Variants in SETBP1 observed in about 807,000 individuals in gnomAD.
SETBP1 encodes the protein SET-binding protein.
SETBP1 carries 9 observed loss-of-function variants against 101.0 expected under a neutral mutation model. The observed-to-expected ratio is 0.09, with a 90% CI of 0.05 to 0.16. The LOEUF is 0.16. Among genes scored for constraint, SETBP1 ranks in the 10% least tolerant of loss-of-function variants. The pLI is 1.00. For missense variants in SETBP1, 1,858 were observed against 2,033.8 expected (o/e 0.91, Z 1.66); for synonymous variants, 818 against 788.5 (o/e 1.04, Z -0.63).
chr18:44,958,424 C>T (rs958580877), intron 4 of SETBP1, among the ~76,000 whole-genome samples: 1 of 152,102 alleles, frequency 6.6e-6, no homozygotes, highest in African/African-American at 2.4e-5. Flanking sequence ...CTATCTGAGA[C>T]ACAAATAGGT....
chr18:44,943,984 G>A (rs1037391316), intron 3 of SETBP1, among the ~76,000 whole-genome samples: 10 of 151,912 alleles, frequency 6.6e-5, no homozygotes, highest in African/African-American at 2.4e-4. Flanking sequence ...ACAGGTGCAC[G>A]CCATGATACC....
intron 5 of SETBP1, among the ~76,000 whole-genome samples, chr18:45,059,790 C>T (rs975757600): frequency 3.3e-5 from 5 of 152,304 alleles, no homozygotes; most frequent in Admixed American, 6.5e-5. Context: ...AGAACATTTT[C>T]GCCATCTTAG....
intron 2 of SETBP1, among the ~76,000 whole-genome samples, chr18:44,708,690 C>A (rs993119597): frequency 6.6e-6 from 1 of 151,992 alleles, no homozygotes; most frequent in South Asian, 2.1e-4. Flanking sequence ...CAATCACATT[C>A]GGCCAGCATA....
At chr18:44,792,522 T>C (rs2277710) in intron 2 of SETBP1, among the ~76,000 whole-genome samples, 20,653 of 152,122 alleles carry the variant, frequency 0.14, 2,031 homozygotes, top group African/African-American at 0.28. Context: ...CAGCATAGGG[T>C]AGTTGCCAGA....
At chr18:44,712,953 C>CTTTTTTT (rs11323504) in intron 2 of SETBP1, among the ~76,000 whole-genome samples, 1 of 64,898 alleles carries the variant, frequency 1.5e-5, no homozygotes, top group Non-Finnish European at 2.8e-5. Flanking sequence ...CAGCATCCCT[C>CTTTTTTT]TTTTTTTTTT....
At chr18:44,739,700 A>C (rs745654225) in intron 2 of SETBP1, among the ~76,000 whole-genome samples, 1 of 152,222 alleles carries the variant, frequency 6.6e-6, no homozygotes, top group Non-Finnish European at 1.5e-5. Context: ...TATCAAATGA[A>C]TGACAGATAC....
chr18:44,860,589 A>T (rs1276249), intron 2 of SETBP1, among the ~76,000 whole-genome samples: 53,475 of 151,858 alleles, frequency 0.35, 9,536 homozygotes, highest in South Asian at 0.44. Context: ...CTCTACTAAA[A>T]ATGTAAAATT....
intron 2 of SETBP1, among the ~76,000 whole-genome samples, chr18:44,770,818 A>G (rs1357116500): frequency 2.6e-5 from 2 of 78,376 alleles, no homozygotes. Context: ...GAGCAAGAAA[A>G]GTTGGATTCC....
At chr18:44,696,812 T>TGCCTGTG (rs1278729866) in intron 1 of SETBP1, among the ~76,000 whole-genome samples, 1 of 152,258 alleles carries the variant, frequency 6.6e-6, no homozygotes, top group Non-Finnish European at 1.5e-5. Flanking sequence ...AGCATCTGAC[T>TGCCTGTG]GCCTGTGAAC....
chr18:45,035,967 CTG>C (rs936066976), intron 4 of SETBP1, among the ~76,000 whole-genome samples: 20 of 152,188 alleles, frequency 1.3e-4, no homozygotes, highest in African/African-American at 3.9e-4. Flanking sequence ...ATTTTCCAAA[CTG>C]TGTTTGTTTT....
At chr18:44,986,216 G>C (rs1239278366) in intron 4 of SETBP1, 3 of 152,164 alleles carry the variant, frequency 2.0e-5, no homozygotes, top group African/African-American at 7.2e-5. Flanking sequence ...GTAGATAACT[G>C]TAACACAATG....
rs537274345 is a variant in SETBP1 at position 45,063,946 on chromosome 18, T to A, written c.*248T>A. ...CAGCTCCCACCACGCGGCGCTTCAGTACGGCTGGATCCTCCGCAGGCGAGC... is the reference window on the plus strand; with the variant it reads ...CAGCTCCCACCACGCGGCGCTTCAGAACGGCTGGATCCTCCGCAGGCGAGC... On this transcript the variant is annotated 3_prime_UTR_variant, in exon 6 of 6. Coordinates refer to ENST00000649279, the MANE Select transcript of SETBP1 (RefSeq NM_015559.3). 6 of 434,496 alleles carry A rather than the reference T, an allele frequency of 1.4e-5. No homozygotes were observed. Among genetic ancestry groups the A allele is most frequent in the Non-Finnish European group, 2.5e-5 (6 of 237,064 alleles). The allele number at this position is 434,496 out of a possible 1,614,324, so 26.9% of individuals were successfully genotyped here.
chr18:44,775,699 A>G (rs1471815982), intron 2 of SETBP1, among the ~76,000 whole-genome samples: 3 of 149,276 alleles, frequency 2.0e-5, no homozygotes, highest in Non-Finnish European at 4.4e-5. Flanking sequence ...CCAAGTGTAG[A>G]GAGCACCATT....
chr18:44,967,814 A>T (rs1414968679), intron 4 of SETBP1, among the ~76,000 whole-genome samples: 1 of 152,150 alleles, frequency 6.6e-6, no homozygotes, highest in African/African-American at 2.4e-5. Flanking sequence ...GCCCCTGGGA[A>T]CTTCTTGCTC....
rs2071310485 is a variant in SETBP1, at chr18:44,950,310, G to C, written c.970G>C (p.Glu324Gln). Residue 324 changes from glutamate (E) to glutamine (Q), a missense_variant, in exon 4 of 6, where the codon GAG becomes CAG. Glu to Gln is a conservative substitution (Grantham distance 29, BLOSUM62 2). This residue lies in a region of SETBP1 where 581 missense variants were observed against 535.1 expected (regional missense o/e 1.09). Transcript: ENST00000649279. ...LVDQDGGGTK[E>Q]PPEPPTVGSK... Reference sequence around the variant, plus strand: ...GGATCAAGATGGAGGAGGTACAAAGGAGCCCCCAGAACCACCTACGGTGGG... The same window carrying C: ...GGATCAAGATGGAGGAGGTACAAAGCAGCCCCCAGAACCACCTACGGTGGG... The C allele has an allele frequency of 6.2e-7, 1 of 1,614,044 alleles. No homozygotes were observed. Among genetic ancestry groups the C allele is most frequent in the African/African-American group, 1.3e-5 (1 of 75,058 alleles).
chr18:44,939,111 G>C (rs1419377784), intron 3 of SETBP1, among the ~76,000 whole-genome samples: 1 of 152,036 alleles, frequency 6.6e-6, no homozygotes, highest in East Asian at 1.9e-4. Context: ...GAAATGTACA[G>C]ATCTTAAATA....
chr18:44,807,468 T>A (rs2071772295), intron 2 of SETBP1, among the ~76,000 whole-genome samples: 1 of 152,136 alleles, frequency 6.6e-6, no homozygotes, highest in Non-Finnish European at 1.5e-5. Flanking sequence ...TGGTGCTGGA[T>A]TTTTTGTTTG....
intron 3 of SETBP1, among the ~76,000 whole-genome samples, chr18:44,911,358 C>G (rs917706543): frequency 6.6e-6 from 1 of 152,134 alleles, no homozygotes; most frequent in South Asian, 2.1e-4. Context: ...GCAAAAACAG[C>G]GATTACTTTT....
intron 2 of SETBP1, among the ~76,000 whole-genome samples, chr18:44,755,886 C>T (rs1032786337): frequency 2.6e-5 from 4 of 152,002 alleles, no homozygotes; most frequent in Admixed American, 6.5e-5. Context: ...CTTCTGTGTA[C>T]GTGTTAATAA....
Sources: allele counts gnomAD v4.1 joint callset (sites outside exome capture counted in the v4.1 genomes callset), GRCh38; gene constraint gnomAD v4.1.1; regional missense constraint gnomAD v4.1.1; transcripts MANE v1.5; gene names NCBI Gene and HGNC (gene_info 2026-07-23, HGNC 2026-07-21).